AKAP9: variants seen among roughly 807,000 people sequenced by gnomAD.
AKAP9 encodes the protein A-kinase anchor protein 9.
Under a neutral mutation model 488.5 loss-of-function variants are expected in AKAP9, and 311 were observed. The ratio of observed to expected loss-of-function variants is 0.64; its 90% CI spans 0.58 to 0.70. The LOEUF (loss-of-function observed/expected upper bound fraction) is 0.70, where lower values mean the gene tolerates loss of function less well. AKAP9 is among the 30% of genes least tolerant of loss of function. The probability of loss-of-function intolerance (pLI) is 0.00; values close to 1 mark genes in which losing one functional copy is unlikely to be tolerated. For synonymous variants in AKAP9, 1,462 were observed against 1,483.5 expected (o/e 0.99, Z 0.33); for missense variants, 4,215 against 4,374.5 (o/e 0.96, Z 1.03).
intron 40 of AKAP9, 120 bp downstream of exon 40, chr7:92,095,293 C>T: frequency 9.0e-7 from 1 of 1,115,390 alleles, no homozygotes; most frequent in East Asian, 2.5e-5. Flanking sequence ...GTAAGTTGTT[C>T]ACTGTGCATT....
chr7:91,967,691 A>T (rs1014205379), intron 1 of AKAP9, among the ~76,000 whole-genome samples: 20 of 152,076 alleles, frequency 1.3e-4, no homozygotes, highest in African/African-American at 4.8e-4. Context: ...GTGTTGTTGA[A>T]TTCAGTTTGC....
chr7:92,017,439 T>C (rs139204262), intron 12 of AKAP9, among the ~76,000 whole-genome samples: 76 of 152,270 alleles, frequency 5.0e-4, no homozygotes, highest in African/African-American at 1.8e-3. Flanking sequence ...GTAATGAGTT[T>C]AGTTGCTTAG....
chr7:92,043,651 C>T (rs1037807017), intron 20 of AKAP9, among the ~76,000 whole-genome samples: 3 of 151,984 alleles, frequency 2.0e-5, no homozygotes, highest in Non-Finnish European at 4.4e-5. Flanking sequence ...CCTTGGCTTC[C>T]TACTAAATTA....
intron 20 of AKAP9, chr7:92,043,473 TATTTA>T (rs1806456669): frequency 2.6e-6 from 1 of 379,686 alleles, no homozygotes; most frequent in African/African-American, 2.2e-5. Flanking sequence ...AACTATGCAG[TATTTA>T]ATTTCTAGGA....
intron 21 of AKAP9, among the ~76,000 whole-genome samples, chr7:92,048,294 C>G (rs183532327): frequency 1.4e-4 from 22 of 152,130 alleles, no homozygotes; most frequent in Admixed American, 7.2e-4. Context: ...CAGGTCTGAA[C>G]TTGTTTCGAT....
intron 21 of AKAP9, 108 bp downstream of exon 21, chr7:92,045,321 A>G: frequency 9.3e-7 from 1 of 1,071,826 alleles, no homozygotes; most frequent in Non-Finnish European, 1.4e-6. Flanking sequence ...ATTTTCCAGC[A>G]AATGGACCTT....
chr7:92,085,762 A>G, intron 36 of AKAP9, 76 bp downstream of exon 36: 1 of 1,130,004 alleles, frequency 8.8e-7, no homozygotes, highest in South Asian at 1.7e-5. Context: ...AAATTAAATT[A>G]TCTTTTATAC....
intron 1 of AKAP9, among the ~76,000 whole-genome samples, chr7:91,961,927 T>C (rs1265753650): frequency 2.6e-5 from 4 of 152,238 alleles, no homozygotes; most frequent in African/African-American, 9.6e-5. Flanking sequence ...GTAAGACATT[T>C]GCTTGAGATC....
intron 20 of AKAP9, 24 bp from the exon 21 acceptor site, chr7:92,044,984 A>G (rs1211520615): frequency 1.2e-5 from 18 of 1,562,132 alleles, no homozygotes; most frequent in Non-Finnish European, 1.4e-5. Flanking sequence ...AAACATTTTA[A>G]TCAGTGCTTC....
chr7:92,003,015 G>C lies in AKAP9; in HGVS notation c.3098G>C (p.Gly1033Ala). ...ACCATGACAAGCAGGGGTGCTGAAG[G>C]ATCAGTTTCTAAAGTAAATAAAAGT... is the stretch of plus-strand genomic sequence containing the variant. The part of the protein sequence containing the change: ...VVTMTSRGAE[G>A]SVSKVNKSFG... Residue 1033 changes from glycine to alanine, a missense_variant, in exon 8 of 50, where the codon GGA becomes GCA. Coordinates refer to ENST00000356239, the MANE Select transcript of AKAP9 (RefSeq NM_005751.5). 6.2e-7 allele frequency: 1 copy of C among 1,613,470 alleles called. No individual in the cohort carries two copies. The highest frequency in any genetic ancestry group is 8.5e-7 in the Non-Finnish European group (1 of 1,179,606).
chr7:92,012,403 T>C (rs762366785), intron 8 of AKAP9, 26 bp from the exon 9 acceptor site: 2 of 1,568,962 alleles, frequency 1.3e-6, no homozygotes, highest in Non-Finnish European at 1.8e-6. Flanking sequence ...AAGAATATTA[T>C]AATGTTTACA....
In AKAP9 at chr7:92,079,679, A is replaced by G; in HGVS notation, c.7546A>G (p.Thr2516Ala). 1 of 1,614,082 alleles carries G rather than the reference A, an allele frequency of 6.2e-7. No individual in the cohort carries two copies. The highest frequency in any genetic ancestry group is 2.2e-5 in the East Asian group (1 of 44,844). Residue 2516 changes from threonine to alanine, a missense_variant, in exon 31 of 50, where the codon ACC becomes GCC. Thr to Ala is a moderately conservative substitution (Grantham distance 58). This residue lies in a region of AKAP9 where 1,476 missense variants were observed against 1,477.4 expected (regional missense o/e 1.00). Coordinates refer to ENST00000356239, the MANE Select transcript of AKAP9 (RefSeq NM_005751.5). The part of the protein sequence containing the change: ...STVSAKDLEL[T>A]QCYKQIKDMQ... ...TGTTAGTGCAAAGGACTTAGAACTT[A>G]CCCAGTGTTATAAACAAATAAAAGA...
chr7:91,950,365 G>A (rs990383017), intron 1 of AKAP9, among the ~76,000 whole-genome samples: 2 of 151,944 alleles, frequency 1.3e-5, no homozygotes, highest in Non-Finnish European at 2.9e-5. Context: ...CAGCAGCTGG[G>A]ACCACAGGTG....
chr7:92,110,451 A>C lies in AKAP9; in HGVS notation c.*292A>C, dbSNP rs1037678728. ...TTTATCAAATGGGTGAAAAGATTAA[A>C]CTTTTACGCATTACAATACTGCTGA... On this transcript the variant is annotated 3_prime_UTR_variant, in exon 50 of 50. Transcript: ENST00000356239. 13 of 443,120 alleles carry C rather than the reference A, an allele frequency of 2.9e-5. No individual in the cohort carries two copies. Among genetic ancestry groups the C allele is most frequent in the Non-Finnish European group, 5.3e-5 (13 of 243,058 alleles). 27.4% of individuals were successfully genotyped at this position (443,120 alleles called of 1,614,324 possible).
chr7:92,089,431 G>C lies in AKAP9; in HGVS notation c.9260G>C (p.Arg3087Thr). The C allele has an allele frequency of 6.2e-7, 1 of 1,612,278 alleles. No individual in the cohort carries two copies. Among genetic ancestry groups the C allele is most frequent in the Non-Finnish European group, 8.5e-7 (1 of 1,179,624 alleles). Residue 3087 changes from arginine (R) to threonine (T), a missense_variant, in exon 38 of 50, where the codon AGA becomes ACA. Physicochemically the swap from Arg to Thr is moderately conservative, Grantham distance 71 (BLOSUM62 -1). Around this residue, in one of 5 missense-constraint regions of AKAP9, gnomAD observed 1,476 missense variants for 1,477.4 expected, o/e 1.00. Transcript: ENST00000356239. ...ATGGAATGCCTCCAGAAAGCAGATA[G>C]AAGGAGTTTGTTATCTGAAATTCAG... ...AAMECLQKAD[R>T]RSLLSEIQAL... is the part of the protein sequence containing the mutation.
chr7:92,108,530 T>A lies in AKAP9; in HGVS notation c.11583T>A (p.Ser3861=). Residue 3861 remains serine, a synonymous_variant, in exon 49 of 50, where the codon TCT becomes TCA. Transcript: ENST00000356239. The part of the protein sequence containing the change: ...PGTPADFNPG[S]LACSQLQNYD... ...CTCCAGCTGATTTCAATCCTGGTTCTTTAGCATGTTCTCAGCTTCAGAATT... is the reference window on the plus strand; with the variant it reads ...CTCCAGCTGATTTCAATCCTGGTTCATTAGCATGTTCTCAGCTTCAGAATT... 1 of 1,614,208 alleles carries A rather than the reference T, an allele frequency of 6.2e-7. No homozygotes were observed.
intron 12 of AKAP9, among the ~76,000 whole-genome samples, chr7:92,019,649 A>G (rs1333842678): frequency 2.0e-5 from 3 of 150,574 alleles, no homozygotes; most frequent in Admixed American, 6.6e-5. Flanking sequence ...ACATATATAT[A>G]TATAATATAT....
chr7:91,991,061 GTA>G (rs1333553300), intron 3 of AKAP9, among the ~76,000 whole-genome samples: 1 of 152,122 alleles, frequency 6.6e-6, no homozygotes, highest in East Asian at 1.9e-4. Context: ...AAACCATAGT[GTA>G]TATAGGGTTC....
Position 92,108,651 on chromosome 7 carries a change from A to C in AKAP9, c.11686+18A>C. 1 of 1,614,118 alleles carries C rather than the reference A, an allele frequency of 6.2e-7. No homozygotes were observed. The highest frequency in any genetic ancestry group is 8.5e-7 in the Non-Finnish European group (1 of 1,179,988). On this transcript the variant is annotated intron_variant, in intron 49 of 49. Coordinates refer to ENST00000356239, the MANE Select transcript of AKAP9 (RefSeq NM_005751.5). ...ACAGTCAGGTGCTCTGAGTTTAACC[A>C]CATCTTGGCAGCACCACAGTGCGAG...
Sources: allele counts gnomAD v4.1 joint callset (sites outside exome capture counted in the v4.1 genomes callset), GRCh38; gene constraint gnomAD v4.1.1; regional missense constraint gnomAD v4.1.1; transcripts MANE v1.5; gene names NCBI Gene and HGNC (gene_info 2026-07-23, HGNC 2026-07-21).